The following PPP1R9B variants were observed in gnomAD, a reference collection of about 807,000 sequenced individuals.
PPP1R9B encodes the protein protein phosphatase 1 regulatory subunit 9B, also known as neurabin-2.
PPP1R9B carries 17 observed loss-of-function variants against 75.8 expected under a neutral mutation model. The observed-to-expected ratio is 0.22, with a 90% confidence interval of 0.15 to 0.34. The LOEUF (loss-of-function observed/expected upper bound fraction) is 0.34, where lower values mean the gene tolerates loss of function less well. Among genes scored for constraint, PPP1R9B ranks in the 10% least tolerant of loss-of-function variants. The pLI is 1.00. For synonymous variants in PPP1R9B, 509 were observed against 535.4 expected (o/e 0.95, Z 0.68); for missense variants, 875 against 1,196.0 (o/e 0.73, Z 3.96).
chr17:50,145,392 C>T, intron 1 of PPP1R9B, 147 bp from the exon 2 acceptor site: 1 of 1,049,000 alleles, frequency 9.5e-7, no homozygotes. Context: ...CCCCTGAGAC[C>T]CCAGCTCTGA....
intron 3 of PPP1R9B, among the ~76,000 whole-genome samples, 176 bp downstream of exon 3, chr17:50,143,422 C>A (rs546307358): frequency 6.6e-6 from 1 of 152,308 alleles, no homozygotes; most frequent in Admixed American, 6.5e-5. Context: ...TGTTGTATTT[C>A]TGGGGCCTGG....
At position 50,144,926 on chromosome 17, in the gene PPP1R9B, G is replaced by GGAGGC. The variant is rs537791710; in HGVS notation, c.1504+182_1504+186dup. 7.6e-4 allele frequency among the ~76,000 whole-genome samples: 115 copies of GGAGGC among 152,306 alleles called. 4 individuals carry two copies. In the East Asian group the frequency reaches 0.01, roughly 13 times the overall value. ...GTGGGGGTGTGGCTTGGCCTGGGTT[G>GGAGGC]GAGGCCCTGTTTGCTCTGGGTGCTG... On this transcript the variant is annotated intron_variant, in intron 2 of 9. Coordinates refer to ENST00000612501, the MANE Select transcript of PPP1R9B (RefSeq NM_032595.5).
At chr17:50,138,731 C>T (rs772665231) in intron 7 of PPP1R9B, among the ~76,000 whole-genome samples, 9 of 152,150 alleles carry the variant, frequency 5.9e-5, no homozygotes, top group Admixed American at 1.3e-4. Context: ...CCCAAATGAT[C>T]GTCCCACCTC....
At chr17:50,143,798 G>GC (rs567735921) in intron 2 of PPP1R9B, 80 bp from the exon 3 acceptor site, 34 of 1,580,540 alleles carry the variant, frequency 2.2e-5, no homozygotes, top group African/African-American at 6.7e-5. Flanking sequence ...CCAGGGCACA[G>GC]CCCCCCCATC....
chr17:50,134,892 A>T lies in PPP1R9B; in HGVS notation c.*439T>A. On this transcript the variant is annotated 3_prime_UTR_variant, in exon 10 of 10. Transcript: ENST00000612501. ...GGAAGGGCCGAGAAGGTAGAATCTC[A>T]AGTCAAGAGGCCCAGGGGCCACCCA... 5.6e-6 allele frequency: 1 copy of T among 177,912 alleles called. No individual in the cohort carries two copies. Among genetic ancestry groups the T allele is most frequent in the Non-Finnish European group, 1.2e-5 (1 of 83,212 alleles). 11.0% of individuals were successfully genotyped at this position (177,912 alleles called of 1,614,324 possible). A position where few individuals can be genotyped will look rare whatever the true frequency, so the allele number is the denominator to read the frequency against.
intron 1 of PPP1R9B, among the ~76,000 whole-genome samples, chr17:50,148,309 C>G (rs904355205): frequency 6.6e-6 from 1 of 152,246 alleles, no homozygotes; most frequent in Non-Finnish European, 1.5e-5. Context: ...GGCAAGAACA[C>G]TTGGGGCCTG....
intron 1 of PPP1R9B, among the ~76,000 whole-genome samples, chr17:50,146,760 C>A (rs182589539): frequency 6.6e-6 from 1 of 152,350 alleles, no homozygotes; most frequent in Non-Finnish European, 1.5e-5. Context: ...GTCCAGGGCA[C>A]CAGGCCCACT....
chr17:50,144,679 C>A (rs891277029), intron 2 of PPP1R9B, among the ~76,000 whole-genome samples: 3 of 152,164 alleles, frequency 2.0e-5, no homozygotes, highest in African/African-American at 7.2e-5. Context: ...GTTAGGTCAC[C>A]TGTTAAACGC....
In PPP1R9B at chr17:50,149,709, T is replaced by C; in HGVS notation, c.805A>G (p.Lys269Glu). ...PAPSGDAPAE[K>E]ERCPAGQQPP... ...TGCTGCCCTGCGGGGCATCGCTCTTTCTCGGCCGGGGCATCCCCCGACGGG... is the reference window on the plus strand; with the variant it reads ...TGCTGCCCTGCGGGGCATCGCTCTTCCTCGGCCGGGGCATCCCCCGACGGG... The change falls in exon 1 of 10, where the codon AAA (lysine) becomes GAA (glutamate). Residue 269 changes from lysine (K) to glutamate (E), a missense_variant. This residue lies in a region of PPP1R9B where 449 missense variants were observed against 475.0 expected (regional missense o/e 0.95). Coordinates refer to ENST00000612501, the MANE Select transcript of PPP1R9B (RefSeq NM_032595.5). The surrounding 1 kb of genome is among the most constrained non-coding windows in gnomAD (Gnocchi z 7.2). 1 of 1,413,192 alleles carries C rather than the reference T, an allele frequency of 7.1e-7. No homozygotes were observed. Among genetic ancestry groups the C allele is most frequent in the Non-Finnish European group, 9.2e-7 (1 of 1,091,842 alleles). 87.5% of individuals were successfully genotyped at this position (1,413,192 alleles called of 1,614,324 possible).
chr17:50,150,546 C>A lies in PPP1R9B; in HGVS notation c.-33G>T, dbSNP rs1187760100. The A allele has an allele frequency of 1.6e-6, 2 of 1,275,652 alleles. No homozygotes were observed. The highest frequency in any genetic ancestry group is 1.6e-5 in the African/African-American group (1 of 64,422). The allele number at this position is 1,275,652 out of a possible 1,614,324, so 79.0% of individuals were successfully genotyped here. A position where few individuals can be genotyped will look rare whatever the true frequency, so the allele number is the denominator to read the frequency against. ...GGAGCCGGGTTCGCATGCCCCTGCTCCCCGCTCCCCCGCTTCAACAGGCGG... is the reference window on the plus strand; with the variant it reads ...GGAGCCGGGTTCGCATGCCCCTGCTACCCGCTCCCCCGCTTCAACAGGCGG... On this transcript the variant is annotated 5_prime_UTR_variant, in exon 1 of 10. Coordinates refer to ENST00000612501, the MANE Select transcript of PPP1R9B (RefSeq NM_032595.5). The surrounding 1 kb of genome is among the most constrained non-coding windows in gnomAD (Gnocchi z 8.7).
chr17:50,149,689 C>T lies in PPP1R9B; in HGVS notation c.825G>A (p.Gly275=). 1.4e-6 allele frequency: 2 copies of T among 1,437,602 alleles called. No homozygotes were observed. The highest frequency in any genetic ancestry group is 1.8e-6 in the Non-Finnish European group (2 of 1,102,788). 89.1% of individuals were successfully genotyped at this position (1,437,602 alleles called of 1,614,324 possible). ...CCACTCGGTGCTGCGGGGGCTGCTG[C>T]CCTGCGGGGCATCGCTCTTTCTCGG... The part of the protein sequence containing the change: ...APAEKERCPA[G]QQPPQHRVAP... Residue 275 remains glycine (G), a synonymous_variant, in exon 1 of 10, where the codon GGG becomes GGA. Coordinates refer to ENST00000612501, the MANE Select transcript of PPP1R9B (RefSeq NM_032595.5). This position sits in a 1 kb window ranked among gnomAD's most constrained non-coding sequence, Gnocchi z 7.2.
In PPP1R9B at chr17:50,135,400, G is replaced by C; in HGVS notation, c.2401-16C>G. ...GTTCTGAGATCTGGAAAACAAAGGA[G>C]GGTAGGGGGTCAGGTCTGGACACCA... On this transcript the variant is annotated splice_polypyrimidine_tract_variant and intron_variant, in intron 9 of 9. Coordinates refer to ENST00000612501, the MANE Select transcript of PPP1R9B (RefSeq NM_032595.5). 1 of 1,613,276 alleles carries C rather than the reference G, an allele frequency of 6.2e-7. No homozygotes were observed. The highest frequency in any genetic ancestry group is 8.5e-7 in the Non-Finnish European group (1 of 1,179,380).
chr17:50,138,543 A>C (rs1015780035), intron 7 of PPP1R9B, among the ~76,000 whole-genome samples: 1 of 152,110 alleles, frequency 6.6e-6, no homozygotes, highest in African/African-American at 2.4e-5. Flanking sequence ...TATATATAGC[A>C]GACATATGTG....
In PPP1R9B at chr17:50,149,439, C is replaced by T. The variant is rs775326087; in HGVS notation, c.1075G>A (p.Val359Ile). Residue 359 changes from valine (V) to isoleucine (I), a missense_variant, in exon 1 of 10, where the codon GTA becomes ATA. Around this residue, in one of 4 missense-constraint regions of PPP1R9B, gnomAD observed 449 missense variants for 475.0 expected, o/e 0.95. Coordinates refer to ENST00000612501, the MANE Select transcript of PPP1R9B (RefSeq NM_032595.5). This position sits in a 1 kb window ranked among gnomAD's most constrained non-coding sequence, Gnocchi z 7.2. ...CCCACCCCCCTCTCTGGCGGCGCTA[C>T]CGCCGCCGCCTCCTTCTCCGGGGCC... ...QAAPEKEAAA[V>I]APPERGVGNG... is the part of the protein sequence containing the mutation. 8 of 1,606,476 alleles carry T rather than the reference C, an allele frequency of 5.0e-6. 1 individual carries two copies. In the Admixed American group the frequency reaches 1.2e-4, roughly 24 times the overall value.
chr17:50,141,437 C>T, intron 3 of PPP1R9B, 64 bp from the exon 4 acceptor site: 2 of 1,103,802 alleles, frequency 1.8e-6, no homozygotes, highest in African/African-American at 1.6e-5. Context: ...GAGGTAGCCT[C>T]CTCCCATCAG....
At position 50,139,295 on chromosome 17, in the gene PPP1R9B, T is replaced by C; in HGVS notation, c.2041A>G (p.Thr681Ala). 1.2e-6 allele frequency: 2 copies of C among 1,614,038 alleles called. No homozygotes were observed. The highest frequency in any genetic ancestry group is 1.7e-6 in the Non-Finnish European group (2 of 1,179,890). ...TTCAGCTGCTGGATCTCTGCCTCAG[T>C]GACCGCATGCTTGATCTGGAGCTGT... ...FKELQIKHAV[T>A]EAEIQQLKRK... Residue 681 changes from threonine (T) to alanine (A), a missense_variant, in exon 7 of 10, where the codon ACT becomes GCT. By Grantham distance (58) the Thr-to-Ala change is moderately conservative. This residue lies in a region of PPP1R9B where 218 missense variants were observed against 334.6 expected (regional missense o/e 0.65). Coordinates refer to ENST00000612501, the MANE Select transcript of PPP1R9B (RefSeq NM_032595.5). The surrounding 1 kb of genome is among the most constrained non-coding windows in gnomAD (Gnocchi z 5.0).
intron 2 of PPP1R9B, among the ~76,000 whole-genome samples, chr17:50,144,906 G>C (rs1912476489): frequency 6.6e-6 from 1 of 152,184 alleles, no homozygotes; most frequent in Admixed American, 6.5e-5. Context: ...GGGTGGTGGG[G>C]GTGTGGCTTG....
In PPP1R9B at chr17:50,149,026, G is replaced by A; in HGVS notation, c.1371+117C>T. The stretch of plus-strand genomic sequence containing the variant: ...TGAGGGTGGGAACTTCTGGGAAGGG[G>A]GCTGGGTGGCAGGGGCTGACTCAGC... On this transcript the variant is annotated intron_variant, in intron 1 of 9. Coordinates refer to ENST00000612501, the MANE Select transcript of PPP1R9B (RefSeq NM_032595.5). This position sits in a 1 kb window ranked among gnomAD's most constrained non-coding sequence, Gnocchi z 7.2. 1.4e-6 allele frequency: 1 copy of A among 700,444 alleles called. No individual in the cohort carries two copies. Among genetic ancestry groups the A allele is most frequent in the Non-Finnish European group, 2.2e-6 (1 of 457,674 alleles). 43.4% of individuals were successfully genotyped at this position (700,444 alleles called of 1,614,324 possible).
At position 50,140,184 on chromosome 17, in the gene PPP1R9B, G is replaced by A. The variant is rs1434503999; in HGVS notation, c.1775C>T (p.Ala592Val). The change falls in exon 5 of 10, where the codon GCC (alanine) becomes GTC (valine). Residue 592 changes from alanine (A) to valine (V), a missense_variant. This residue lies in a region of PPP1R9B where 218 missense variants were observed against 334.6 expected (regional missense o/e 0.65). Transcript: ENST00000612501. ...RERPGEQSEVAQLIQQTLEQE... is the reference protein window; with the variant it reads ...RERPGEQSEVVQLIQQTLEQE... ...TTCCAAAGTCTGCTGAATTAGCTGG[G>A]CCACTTCGCTCTGCTCTCCCGGCCG... The A allele has an allele frequency of 6.2e-7, 1 of 1,609,844 alleles. No individual in the cohort carries two copies. The highest frequency in any genetic ancestry group is 8.5e-7 in the Non-Finnish European group (1 of 1,178,216).
Sources: allele counts gnomAD v4.1 joint callset (sites outside exome capture counted in the v4.1 genomes callset), GRCh38; gene constraint gnomAD v4.1.1; regional missense constraint gnomAD v4.1.1; non-coding constraint Gnocchi (gnomAD v3.1); transcripts MANE v1.5; gene names NCBI Gene and HGNC (gene_info 2026-07-23, HGNC 2026-07-21).